KIFAP3: variants seen among roughly 807,000 people sequenced by gnomAD.
KIFAP3 encodes the protein kinesin-associated protein 3.
Under a neutral mutation model 106.5 loss-of-function variants are expected in KIFAP3, and 68 were observed. That is an observed-to-expected ratio of 0.64 (90% CI 0.53 to 0.78). The LOEUF is 0.78. KIFAP3 is among the 30% of genes least tolerant of loss of function. The pLI is 0.00. For missense variants in KIFAP3, 780 were observed against 941.8 expected (o/e 0.83, Z 2.25); for synonymous variants, 320 against 311.5 (o/e 1.03, Z -0.29).
intron 19 of KIFAP3, among the ~76,000 whole-genome samples, chr1:169,933,119 A>G (rs551852930): frequency 6.6e-6 from 1 of 152,194 alleles, no homozygotes; most frequent in East Asian, 1.9e-4. Context: ...ATAACTTAAA[A>G]AATTTGATTC....
chr1:169,998,857 A>T (rs548853478), intron 10 of KIFAP3, among the ~76,000 whole-genome samples: 2 of 152,346 alleles, frequency 1.3e-5, no homozygotes, highest in Admixed American at 6.5e-5. Context: ...TAAATAATCA[A>T]TACTTAATAA....
chr1:169,947,929 TTTAC>T (rs1208807533), intron 19 of KIFAP3, among the ~76,000 whole-genome samples: 1 of 151,218 alleles, frequency 6.6e-6, no homozygotes, highest in Non-Finnish European at 1.5e-5. Context: ...ACATATAAAG[TTTAC>T]TTAGAGAACC....
intron 10 of KIFAP3, among the ~76,000 whole-genome samples, chr1:170,010,011 T>C (rs938605255): frequency 1.1e-4 from 16 of 152,112 alleles, no homozygotes; most frequent in African/African-American, 1.7e-4. Context: ...ATGGCTATGA[T>C]AGATCTCCCA....
chr1:170,056,060 A>G (rs1473742623), intron 1 of KIFAP3, among the ~76,000 whole-genome samples: 2 of 151,952 alleles, frequency 1.3e-5, no homozygotes, highest in Non-Finnish European at 2.9e-5. Flanking sequence ...GAGCCCTCTG[A>G]TGGTGCCACT....
At chr1:169,932,643 C>CTAGT (rs1393557556) in intron 19 of KIFAP3, among the ~76,000 whole-genome samples, 1 of 151,398 alleles carries the variant, frequency 6.6e-6, no homozygotes, top group Non-Finnish European at 1.5e-5. Flanking sequence ...GGACATAATA[C>CTAGT]TAGTCTCTCT....
chr1:169,933,725 C>T (rs2101791664), intron 19 of KIFAP3, among the ~76,000 whole-genome samples: 1 of 152,200 alleles, frequency 6.6e-6, no homozygotes, highest in African/African-American at 2.4e-5. Context: ...CACTCATGTA[C>T]ATCAGCATTT....
intron 10 of KIFAP3, among the ~76,000 whole-genome samples, chr1:169,996,058 T>C (rs540961861): frequency 6.6e-6 from 1 of 152,178 alleles, no homozygotes; most frequent in East Asian, 1.9e-4. Flanking sequence ...TTCTCAGATA[T>C]AACAATTTAT....
chr1:170,027,112 T>C (rs937146010), intron 8 of KIFAP3, among the ~76,000 whole-genome samples: 4 of 149,134 alleles, frequency 2.7e-5, no homozygotes, highest in African/African-American at 9.9e-5. Flanking sequence ...CTCCACCTCC[T>C]GGGTTCAAAC....
At chr1:169,987,086 G>T (rs1282330277) in intron 11 of KIFAP3, among the ~76,000 whole-genome samples, 1 of 151,912 alleles carries the variant, frequency 6.6e-6, no homozygotes, top group African/African-American at 2.4e-5. Flanking sequence ...TTTAATTAAA[G>T]CTTTCAAATT....
intron 5 of KIFAP3, 104 bp downstream of exon 5, chr1:170,038,186 T>C (rs114739918): frequency 2.3e-6 from 2 of 879,358 alleles, no homozygotes; most frequent in South Asian, 2.1e-5. Context: ...GAAATCTGAG[T>C]AAGAAAGAAA....
intron 10 of KIFAP3, among the ~76,000 whole-genome samples, chr1:170,011,532 C>A (rs1459248566): frequency 6.6e-6 from 1 of 151,534 alleles, no homozygotes; most frequent in African/African-American, 2.4e-5. Flanking sequence ...CATATATTGA[C>A]ATGTGAATAT....
At position 169,935,232 on chromosome 1, in the gene KIFAP3, A is replaced by G. The variant is rs1211295358; in HGVS notation, c.2274-13451T>C. Among the ~76,000 whole-genome samples, 3 of 151,986 alleles carry G rather than the reference A, an allele frequency of 2.0e-5. No homozygotes were observed. The East Asian group carries it at 5.8e-4, about 29-fold the overall frequency. On this transcript the variant is annotated intron_variant, in intron 19 of 19. Coordinates refer to ENST00000361580, the MANE Select transcript of KIFAP3 (RefSeq NM_014970.4). ...AATATAGCTTTATAGGTTTTTTTGT[A>G]TAAATTTGAAAAGATGTAAATTTTA...
rs576969962 is a variant in KIFAP3 at position 169,939,839 on chromosome 1, T to C, written c.2273+14172A>G. Reference sequence around the variant, plus strand: ...ACCAGCTGAGAGGTAAAGATGAGAATGGTCCATTAGATTTGGCAATATGAA... The same window carrying C: ...ACCAGCTGAGAGGTAAAGATGAGAACGGTCCATTAGATTTGGCAATATGAA... On this transcript the variant is annotated intron_variant, in intron 19 of 19. Transcript: ENST00000361580. Among the ~76,000 whole-genome samples, 50 of 152,266 alleles carry C rather than the reference T, an allele frequency of 3.3e-4. 1 individual carries two copies. Among genetic ancestry groups the C allele is most frequent in the African/African-American group, 1.2e-3 (48 of 41,546 alleles).
chr1:169,925,146 C>G (rs1014849978), intron 19 of KIFAP3, among the ~76,000 whole-genome samples: 1 of 152,028 alleles, frequency 6.6e-6, no homozygotes, highest in Admixed American at 6.6e-5. Flanking sequence ...GTGGTGTATC[C>G]CTCTAGACTA....
chr1:169,970,114 T>C (rs904282947), intron 17 of KIFAP3, among the ~76,000 whole-genome samples: 10 of 152,012 alleles, frequency 6.6e-5, no homozygotes, highest in Non-Finnish European at 1.5e-4. Flanking sequence ...ATTCCCATGA[T>C]TGCCTTCATG....
At chr1:170,052,446 T>G (rs372598458) in intron 2 of KIFAP3, among the ~76,000 whole-genome samples, 2 of 152,156 alleles carry the variant, frequency 1.3e-5, no homozygotes, top group Admixed American at 6.5e-5. Context: ...TTTCTGAAAC[T>G]ATTCCAAGCA....
intron 5 of KIFAP3, among the ~76,000 whole-genome samples, chr1:170,037,639 A>G (rs1225762039): frequency 6.6e-6 from 1 of 151,912 alleles, no homozygotes; most frequent in Admixed American, 6.6e-5. Context: ...CAGGAGGCTG[A>G]GGTGGGAGAA....
chr1:170,030,627 A>C (rs1467645526), intron 8 of KIFAP3, among the ~76,000 whole-genome samples: 2 of 151,924 alleles, frequency 1.3e-5, no homozygotes, highest in African/African-American at 4.8e-5. Context: ...AAAAGGAATA[A>C]ACTATTGATA....
intron 8 of KIFAP3, among the ~76,000 whole-genome samples, chr1:170,030,216 A>G (rs1162899413): frequency 6.6e-6 from 1 of 151,900 alleles, no homozygotes; most frequent in African/African-American, 2.4e-5. Context: ...TATATCCAAA[A>G]CATATAAAGA....
Sources: allele counts gnomAD v4.1 joint callset (sites outside exome capture counted in the v4.1 genomes callset), GRCh38; gene constraint gnomAD v4.1.1; transcripts MANE v1.5; gene names NCBI Gene and HGNC (gene_info 2026-07-23, HGNC 2026-07-21).